The following TAFA4 variants were observed in gnomAD, a reference collection of about 807,000 sequenced individuals.
The protein encoded by TAFA4 is chemokine-like protein TAFA-4.
Under a neutral mutation model 21.1 loss-of-function variants are expected in TAFA4, and 20 were observed. The ratio of observed to expected loss-of-function variants is 0.95; its 90% CI spans 0.67 to 1.38. TAFA4 has a LOEUF of 1.38. Among genes scored for constraint, TAFA4 ranks in the 40% most tolerant of loss-of-function variants. The pLI is 0.00. For missense variants in TAFA4, 211 were observed against 180.9 expected, an observed-to-expected ratio of 1.17 and a Z score of -0.95; for synonymous variants, 71 against 67.4, an observed-to-expected ratio of 1.05 and a Z score of -0.26.
chr3:68,888,627 A>C (rs1389084149), intron 1 of TAFA4, among the ~76,000 whole-genome samples: 1 of 152,116 alleles, frequency 6.6e-6, no homozygotes, highest in Admixed American at 6.6e-5. Flanking sequence ...AAAAAAATCT[A>C]TTTCTCATAG....
intron 1 of TAFA4, among the ~76,000 whole-genome samples, chr3:68,922,297 T>C (rs1362640189): frequency 6.6e-6 from 1 of 152,100 alleles, no homozygotes; most frequent in Non-Finnish European, 1.5e-5. Flanking sequence ...ACTCTTGAGG[T>C]GAGGCCAGGG....
intron 2 of TAFA4, among the ~76,000 whole-genome samples, chr3:68,882,536 C>T (rs984897864): frequency 2.0e-5 from 3 of 152,206 alleles, no homozygotes; most frequent in Non-Finnish European, 2.9e-5. Flanking sequence ...ACCAGCCCAA[C>T]TCATTTACAT....
intron 1 of TAFA4, among the ~76,000 whole-genome samples, chr3:68,931,388 C>G (rs1161528265): frequency 6.6e-6 from 1 of 151,958 alleles, no homozygotes. Flanking sequence ...ACTAAGGCTC[C>G]GTGGAGCCCC....
At chr3:68,858,503 A>T (rs1705123426) in intron 3 of TAFA4, among the ~76,000 whole-genome samples, 1 of 151,878 alleles carries the variant, frequency 6.6e-6, no homozygotes, top group South Asian at 2.1e-4. Context: ...CTTTTTGACC[A>T]ATTGAAAATT....
At chr3:68,763,232 C>T (rs1262801130) in intron 3 of TAFA4, among the ~76,000 whole-genome samples, 4 of 152,110 alleles carry the variant, frequency 2.6e-5, no homozygotes, top group African/African-American at 9.7e-5. Flanking sequence ...CTCTTGAATG[C>T]TTTTGTGAAC....
At chr3:68,816,709 T>C (rs944482233) in intron 3 of TAFA4, among the ~76,000 whole-genome samples, 1 of 152,166 alleles carries the variant, frequency 6.6e-6, no homozygotes, top group Non-Finnish European at 1.5e-5. Flanking sequence ...CTCTGAGATA[T>C]TGCAAGTTCA....
At chr3:68,736,645 T>A (rs971091328) in intron 5 of TAFA4, among the ~76,000 whole-genome samples, 1 of 152,118 alleles carries the variant, frequency 6.6e-6, no homozygotes, top group South Asian at 2.1e-4. Flanking sequence ...AGGGAGACAA[T>A]TGCTCTGCTT....
chr3:68,763,715 A>C (rs920489151), intron 3 of TAFA4, among the ~76,000 whole-genome samples: 1 of 152,102 alleles, frequency 6.6e-6, no homozygotes, highest in African/African-American at 2.4e-5. Context: ...CAGTTTTCTT[A>C]ATCAGAAGTC....
intron 3 of TAFA4, among the ~76,000 whole-genome samples, chr3:68,801,973 G>A (rs1420484134): frequency 2.0e-5 from 3 of 151,946 alleles, no homozygotes; most frequent in Non-Finnish European, 1.5e-5. Context: ...GCAATCTACA[G>A]TGTGGTACAA....
intron 3 of TAFA4, among the ~76,000 whole-genome samples, chr3:68,796,461 C>T (rs1158050553): frequency 2.0e-5 from 3 of 152,042 alleles, no homozygotes; most frequent in African/African-American, 7.2e-5. Flanking sequence ...GGCAGGGTTG[C>T]TACTCACTAT....
chr3:68,904,604 C>A (rs2089879978), intron 1 of TAFA4, among the ~76,000 whole-genome samples: 1 of 152,130 alleles, frequency 6.6e-6, no homozygotes, highest in Admixed American at 6.5e-5. Flanking sequence ...TAGGTTTTCC[C>A]CAAAGCAGAG....
intron 3 of TAFA4, among the ~76,000 whole-genome samples, chr3:68,792,815 G>C (rs1182265396): frequency 2.6e-5 from 4 of 152,160 alleles, no homozygotes; most frequent in Non-Finnish European, 4.4e-5. Flanking sequence ...TCTGAAGATA[G>C]AAACAACTTT....
rs376713990 is a variant in TAFA4 at position 68,929,226 on chromosome 3, C to T, written c.-123+3014G>A. Reference sequence around the variant, plus strand: ...GGGCTGCCATACCATACTTAAGTCTCGAAGTCAGGGCTGTCTAGGTTCTGA... The same window carrying T: ...GGGCTGCCATACCATACTTAAGTCTTGAAGTCAGGGCTGTCTAGGTTCTGA... On this transcript the variant is annotated intron_variant, in intron 1 of 5. Transcript: ENST00000295569. Among the ~76,000 whole-genome samples, 327 of 152,254 alleles carry T rather than the reference C, an allele frequency of 2.1e-3. 1 individual carries two copies. Among genetic ancestry groups the T allele is most frequent in the African/African-American group, 7.7e-3 (319 of 41,546 alleles).
At chr3:68,880,925 G>A (rs962766601) in intron 2 of TAFA4, 80 bp from the exon 3 acceptor site, 1 of 1,074,654 alleles carries the variant, frequency 9.3e-7, no homozygotes, top group East Asian at 2.5e-5. Context: ...AGGAAGGCGG[G>A]AGAAAGCAGG....
chr3:68,852,293 T>A (rs1704969082), intron 3 of TAFA4, among the ~76,000 whole-genome samples: 1 of 152,142 alleles, frequency 6.6e-6, no homozygotes, highest in South Asian at 2.1e-4. Context: ...GTTTGGAGGA[T>A]AAACTGAGCC....
intron 3 of TAFA4, among the ~76,000 whole-genome samples, chr3:68,815,278 C>CA (rs1417947177): frequency 1.3e-5 from 2 of 151,954 alleles, no homozygotes; most frequent in African/African-American, 2.4e-5. Context: ...TCTAAAACAC[C>CA]AAAGCAATGG....
At chr3:68,804,623 G>A (rs1028436807) in intron 3 of TAFA4, among the ~76,000 whole-genome samples, 2 of 152,168 alleles carry the variant, frequency 1.3e-5, no homozygotes, top group African/African-American at 4.8e-5. Flanking sequence ...CAATGGAAGA[G>A]AACAGAGGCC....
intron 3 of TAFA4, among the ~76,000 whole-genome samples, chr3:68,775,271 G>A (rs1020551739): frequency 6.6e-6 from 1 of 152,194 alleles, no homozygotes; most frequent in Non-Finnish European, 1.5e-5. Flanking sequence ...CAGTGCAAGA[G>A]AAGACAGAGA....
chr3:68,805,903 T>C (rs571269591), intron 3 of TAFA4, among the ~76,000 whole-genome samples: 12 of 152,184 alleles, frequency 7.9e-5, no homozygotes, highest in South Asian at 2.1e-4. Context: ...CATGTATACA[T>C]ACGTAACAAA....
Sources: allele counts gnomAD v4.1 joint callset (sites outside exome capture counted in the v4.1 genomes callset), GRCh38; gene constraint gnomAD v4.1.1; transcripts MANE v1.5; gene names NCBI Gene and HGNC (gene_info 2026-07-23, HGNC 2026-07-21).